AKAP7: variants seen among roughly 807,000 people sequenced by gnomAD.
AKAP7 encodes the protein A kinase (PRKA) anchor protein 7.
AKAP7 carries 39 observed loss-of-function variants against 39.5 expected under a neutral mutation model. The observed-to-expected ratio is 0.99, with a 90% CI of 0.76 to 1.29. The LOEUF (loss-of-function observed/expected upper bound fraction) is 1.29. Among genes scored for constraint, AKAP7 ranks in the 50% most tolerant of loss-of-function variants. AKAP7 has a pLI of 0.00. For synonymous variants in AKAP7, 140 were observed against 139.1 expected (o/e 1.01, Z -0.05); for missense variants, 414 against 407.7 (o/e 1.02, Z -0.13).
At chr6:131,136,579 C>T (rs138643997) in intron 1 of AKAP7, among the ~76,000 whole-genome samples, 229 of 152,334 alleles carry the variant, frequency 1.5e-3, no homozygotes, top group African/African-American at 5.1e-3. Flanking sequence ...AAGAGCCATA[C>T]TCCAGTTCCT....
At chr6:131,163,881 T>C (rs1328478675) in intron 3 of AKAP7, among the ~76,000 whole-genome samples, 3 of 152,000 alleles carry the variant, frequency 2.0e-5, no homozygotes, top group Non-Finnish European at 4.4e-5. Flanking sequence ...GAAACTGACA[T>C]AGCAGCATTC....
intron 3 of AKAP7, among the ~76,000 whole-genome samples, chr6:131,164,745 G>T (rs949710118): frequency 1.3e-5 from 2 of 152,050 alleles, no homozygotes; most frequent in Non-Finnish European, 2.9e-5. Context: ...AGTCATATTG[G>T]GTATTCCAAG....
chr6:131,240,612 G>T (rs780135742), intron 7 of AKAP7, among the ~76,000 whole-genome samples: 1 of 152,204 alleles, frequency 6.6e-6, no homozygotes, highest in Non-Finnish European at 1.5e-5. Flanking sequence ...AATGGCGGGT[G>T]CCCCTTCCCC....
chr6:131,136,387 G>A lies in AKAP7; in HGVS notation c.19+605G>A, dbSNP rs534932202. Among the ~76,000 whole-genome samples, 14 of 152,306 alleles carry A rather than the reference G, an allele frequency of 9.2e-5. No individual in the cohort carries two copies. The South Asian group carries it at 2.7e-3, about 29-fold the overall frequency. On this transcript the variant is annotated intron_variant, in intron 1 of 7. Coordinates refer to ENST00000431975, the MANE Select transcript of AKAP7 (RefSeq NM_016377.4). ...GGTCCGCAAACCAATTAGAGAAAAG[G>A]TGCTCCTCTGCAAGAGTTTCATAGG...
chr6:131,142,514 A>G (rs1801132025), intron 1 of AKAP7, among the ~76,000 whole-genome samples: 1 of 152,070 alleles, frequency 6.6e-6, no homozygotes, highest in Non-Finnish European at 1.5e-5. Flanking sequence ...TGCAAGAGTG[A>G]AGGAGGCATG....
chr6:131,164,225 TC>T, intron 3 of AKAP7: 1 of 355,390 alleles, frequency 2.8e-6, no homozygotes, highest in South Asian at 2.2e-5. Context: ...AGGGCTTCTG[TC>T]TTCTGTTCCC....
chr6:131,275,358 G>A (rs1206820556), intron 7 of AKAP7, among the ~76,000 whole-genome samples: 1 of 152,178 alleles, frequency 6.6e-6, no homozygotes, highest in Non-Finnish European at 1.5e-5. Flanking sequence ...ACAAGGTTGT[G>A]CAGATAGAAA....
chr6:131,146,719 C>A (rs1562862179), intron 2 of AKAP7, among the ~76,000 whole-genome samples: 1 of 152,148 alleles, frequency 6.6e-6, no homozygotes, highest in South Asian at 2.1e-4. Context: ...CATAACAAAT[C>A]ATCTGCTTTA....
At chr6:131,173,326 T>C (rs73775932) in intron 5 of AKAP7, among the ~76,000 whole-genome samples, 5,009 of 152,270 alleles carry the variant, frequency 0.033, 279 homozygotes, top group African/African-American at 0.11. Context: ...TGGGTTAGAA[T>C]TGGTTACTTG....
At chr6:131,280,479 T>C (rs1166185514) in intron 7 of AKAP7, among the ~76,000 whole-genome samples, 4 of 152,198 alleles carry the variant, frequency 2.6e-5, no homozygotes, top group Non-Finnish European at 5.9e-5. Context: ...ACAGTGTCCA[T>C]CTTCCAGCTC....
intron 4 of AKAP7, 132 bp from the exon 5 acceptor site, chr6:131,168,981 G>A (rs1313932659): frequency 5.3e-6 from 4 of 751,658 alleles, no homozygotes; most frequent in Admixed American, 6.6e-5. Context: ...GATTTAGAAG[G>A]TATTTTGAGC....
intron 7 of AKAP7, among the ~76,000 whole-genome samples, chr6:131,269,916 T>C (rs1156640858): frequency 1.3e-5 from 2 of 152,114 alleles, no homozygotes; most frequent in East Asian, 1.9e-4. Flanking sequence ...GATATTACAG[T>C]TGAGATGTGT....
rs189386063 is a variant in AKAP7, at chr6:131,240,491, C to A, written c.850+20683C>A. Among the ~76,000 whole-genome samples the A allele has an allele frequency of 1.7e-3, 255 of 152,336 alleles. 1 individual carries two copies. Among genetic ancestry groups the A allele is most frequent in the Admixed American group, 4.3e-3 (66 of 15,304 alleles). On this transcript the variant is annotated intron_variant, in intron 7 of 7. Transcript: ENST00000431975. The stretch of plus-strand genomic sequence containing the variant: ...TTCTGCTGCCTTTTGTTTGGCTATG[C>A]CCTGCCCCCAGAGGTGAAGTCTATA...
chr6:131,154,332 C>T (rs981862628), intron 2 of AKAP7, among the ~76,000 whole-genome samples: 2 of 152,044 alleles, frequency 1.3e-5, no homozygotes, highest in Admixed American at 6.6e-5. Context: ...ATCTTGAATC[C>T]ATTATTTAAT....
intron 7 of AKAP7, among the ~76,000 whole-genome samples, chr6:131,268,432 G>A (rs562905981): frequency 2.4e-4 from 36 of 152,200 alleles, no homozygotes; most frequent in African/African-American, 8.4e-4. Flanking sequence ...TAATGTTTCC[G>A]AAAACACTTT....
chr6:131,232,653 C>T (rs1002656654), intron 7 of AKAP7, among the ~76,000 whole-genome samples: 8 of 151,964 alleles, frequency 5.3e-5, no homozygotes, highest in African/African-American at 7.3e-5. Context: ...ACTAAAAATA[C>T]GAAAAGAATT....
At chr6:131,250,181 A>C in intron 7 of AKAP7, 1 of 996,664 alleles carries the variant, frequency 1.0e-6, no homozygotes, top group Non-Finnish European at 1.2e-6. Flanking sequence ...TGTCTGTAGG[A>C]GAAAGGGCTC....
the AKAP7 span, among the ~76,000 whole-genome samples, chr6:131,127,502 G>T: frequency 6.6e-6 from 1 of 152,150 alleles, no homozygotes; most frequent in African/African-American, 2.4e-5. Flanking sequence ...ACATTTAAAT[G>T]AAAGGGAATG....
At position 131,255,002 on chromosome 6, in the gene AKAP7, G is replaced by A. The variant is rs1021245787; in HGVS notation, c.851-26528G>A. Among the ~76,000 whole-genome samples the A allele has an allele frequency of 1.2e-4, 18 of 152,082 alleles. 1 individual carries two copies. The highest frequency in any genetic ancestry group is 5.9e-4 in the Admixed American group (9 of 15,254). ...GTCTGGTGAATACATATATATAACC[G>A]TAATTACCATAAAGGTGATCAAATT... is the stretch of plus-strand genomic sequence containing the variant. On this transcript the variant is annotated intron_variant, in intron 7 of 7. Coordinates refer to ENST00000431975, the MANE Select transcript of AKAP7 (RefSeq NM_016377.4).
Sources: allele counts gnomAD v4.1 joint callset (sites outside exome capture counted in the v4.1 genomes callset), GRCh38; gene constraint gnomAD v4.1.1; transcripts MANE v1.5; gene names NCBI Gene and HGNC (gene_info 2026-07-23, HGNC 2026-07-21).